The following NME7 variants were observed in gnomAD, a reference collection of about 807,000 sequenced individuals.
NME7 encodes NME/NM23 family member 7, also known as nucleoside diphosphate kinase 7.
Under a neutral mutation model 49.1 loss-of-function variants are expected in NME7, and 41 were observed. The observed-to-expected ratio is 0.83, with a 90% CI of 0.65 to 1.08. The LOEUF (loss-of-function observed/expected upper bound fraction) is 1.08. Among genes scored for constraint, NME7 ranks in the 50% least tolerant of loss-of-function variants. The pLI is 0.00. For synonymous variants in NME7, 139 were observed against 150.6 expected (o/e 0.92, Z 0.56); for missense variants, 423 against 463.4 (o/e 0.91, Z 0.80).
intron 9 of NME7, among the ~76,000 whole-genome samples, chr1:169,231,720 T>C (rs758316601): frequency 2.0e-5 from 3 of 152,106 alleles, no homozygotes; most frequent in South Asian, 2.1e-4. Context: ...TTATATGATA[T>C]ATGGAGCATC....
At chr1:169,319,566 A>G (rs1651777612) in intron 3 of NME7, among the ~76,000 whole-genome samples, 1 of 152,062 alleles carries the variant, frequency 6.6e-6, no homozygotes, top group African/African-American at 2.4e-5. Flanking sequence ...TCCATATACC[A>G]TTTCAGTACA....
At position 169,195,073 on chromosome 1, in the gene NME7, T is replaced by G. The variant is rs554207077; in HGVS notation, c.991-25519A>C. 5.8e-4 allele frequency among the ~76,000 whole-genome samples: 88 copies of G among 152,322 alleles called. 2 individuals are homozygous for G. The South Asian group carries it at 0.017, about 30-fold the overall frequency. On this transcript the variant is annotated intron_variant, in intron 10 of 11. Transcript: ENST00000367811. ...TGCTTTAAGGGCATTCAAAACATGTTTTTTGCATTATATGCAATTATAATT... is the reference window on the plus strand; with the variant it reads ...TGCTTTAAGGGCATTCAAAACATGTGTTTTGCATTATATGCAATTATAATT...
intron 11 of NME7, among the ~76,000 whole-genome samples, chr1:169,163,378 T>C (rs1244941583): frequency 6.6e-6 from 1 of 152,098 alleles, no homozygotes; most frequent in East Asian, 1.9e-4. Context: ...GGAAGCCATC[T>C]AGAAAAATTT....
At position 169,270,845 on chromosome 1, in the gene NME7, T is replaced by C. The variant is rs1056552773; in HGVS notation, c.754+16458A>G. Among the ~76,000 whole-genome samples, 11 of 133,396 alleles carry C rather than the reference T, an allele frequency of 8.2e-5. 2 individuals carry two copies. The highest frequency in any genetic ancestry group is 2.5e-4 in the African/African-American group (10 of 39,600). 87.5% of individuals were successfully genotyped at this position (133,396 alleles called of 152,430 possible). ...ATGAAGTAATTAATCCAATATCCCA[T>C]AGCTAGTAAGTGGCAGAGCCAGAAT... On this transcript the variant is annotated intron_variant, in intron 7 of 11. Coordinates refer to ENST00000367811, the MANE Select transcript of NME7 (RefSeq NM_013330.5).
intron 1 of NME7, among the ~76,000 whole-genome samples, chr1:169,364,096 C>T (rs1054315406): frequency 2.6e-5 from 4 of 152,208 alleles, no homozygotes; most frequent in African/African-American, 9.6e-5. Context: ...CCCCCTATTA[C>T]TTTGTATTCT....
chr1:169,258,405 TAC>T (rs1366142784), intron 7 of NME7, among the ~76,000 whole-genome samples: 4,415 of 68,550 alleles, frequency 0.064, 680 homozygotes, highest in African/African-American at 0.078. Context: ...TATATATATA[TAC>T]ACACACACAC....
intron 11 of NME7, among the ~76,000 whole-genome samples, chr1:169,144,643 G>A (rs4656180): frequency 0.28 from 42,571 of 151,984 alleles, 6,406 homozygotes; most frequent in Non-Finnish European, 0.33. Context: ...AATGAGGAGT[G>A]TGTCTTATTT....
chr1:169,273,808 T>C (rs1285314633), intron 7 of NME7, among the ~76,000 whole-genome samples: 1 of 124,578 alleles, frequency 8.0e-6, no homozygotes, highest in Non-Finnish European at 1.9e-5. Context: ...TTTTTATGGC[T>C]GCATAGTATT....
chr1:169,214,748 G>A (rs578108640), intron 10 of NME7, among the ~76,000 whole-genome samples: 1 of 152,326 alleles, frequency 6.6e-6, no homozygotes, highest in South Asian at 2.1e-4. Context: ...ATGCGTAGGT[G>A]AGCAAATGCA....
chr1:169,220,071 C>T (rs910243251), intron 10 of NME7, among the ~76,000 whole-genome samples: 14 of 152,208 alleles, frequency 9.2e-5, no homozygotes, highest in South Asian at 4.1e-4. Flanking sequence ...ATTTCAGTTA[C>T]GCATGTTTTC....
intron 4 of NME7, chr1:169,303,455 CTTT>C (rs969800387): frequency 1.5e-3 from 169 of 113,470 alleles, no homozygotes; most frequent in Middle Eastern, 4.8e-3. Context: ...CTATCTTCTT[CTTT>C]TTTTTTTTTT....
At chr1:169,213,362 A>G (rs1222736955) in intron 10 of NME7, among the ~76,000 whole-genome samples, 2 of 130,042 alleles carry the variant, frequency 1.5e-5, no homozygotes, top group African/African-American at 2.6e-5. Flanking sequence ...AATGAACTGC[A>G]CAGGAGTAAA....
At chr1:169,360,139 T>C (rs1173612279) in intron 1 of NME7, among the ~76,000 whole-genome samples, 2 of 152,160 alleles carry the variant, frequency 1.3e-5, no homozygotes, top group East Asian at 3.8e-4. Flanking sequence ...AACTCCCATG[T>C]TGAAACTATA....
chr1:169,259,834 A>G (rs879519119), intron 7 of NME7, among the ~76,000 whole-genome samples: 8 of 134,174 alleles, frequency 6.0e-5, no homozygotes, highest in Non-Finnish European at 1.2e-4. Context: ...AACGGAGAAG[A>G]AAGTCTGTGG....
chr1:169,156,558 G>A (rs1027875043), intron 11 of NME7, among the ~76,000 whole-genome samples: 1 of 152,006 alleles, frequency 6.6e-6, no homozygotes, highest in Non-Finnish European at 1.5e-5. Context: ...TAGAGTCTTC[G>A]GCAAATGATT....
At chr1:169,172,377 CT>C (rs1347577343) in intron 10 of NME7, among the ~76,000 whole-genome samples, 1 of 147,316 alleles carries the variant, frequency 6.8e-6, no homozygotes, top group African/African-American at 2.5e-5. Context: ...TGTACTCTTC[CT>C]TGTTTTCCAG....
At chr1:169,246,461 G>T (rs749213575) in intron 7 of NME7, among the ~76,000 whole-genome samples, 9 of 152,160 alleles carry the variant, frequency 5.9e-5, no homozygotes, top group Non-Finnish European at 1.2e-4. Flanking sequence ...TTAAAAGACA[G>T]ATTTAATTCA....
At chr1:169,170,272 T>C (rs761978490) in intron 10 of NME7, among the ~76,000 whole-genome samples, 4 of 152,126 alleles carry the variant, frequency 2.6e-5, no homozygotes, top group Non-Finnish European at 5.9e-5. Context: ...AGGGCAAGAA[T>C]GTTAGAAGAA....
At chr1:169,161,497 C>T (rs1175737801) in intron 11 of NME7, among the ~76,000 whole-genome samples, 2 of 152,090 alleles carry the variant, frequency 1.3e-5, no homozygotes, top group Non-Finnish European at 2.9e-5. Flanking sequence ...CTATTTTTTC[C>T]CCCAGAGTGT....
Sources: allele counts gnomAD v4.1 joint callset (sites outside exome capture counted in the v4.1 genomes callset), GRCh38; gene constraint gnomAD v4.1.1; transcripts MANE v1.5; gene names NCBI Gene and HGNC (gene_info 2026-07-23, HGNC 2026-07-21).